The following GLT1D1 variants were observed in gnomAD, a reference collection of about 807,000 sequenced individuals.
GLT1D1 encodes the protein glycosyltransferase 1 domain-containing protein 1.
Under a neutral mutation model 28.7 loss-of-function variants are expected in GLT1D1, and 21 were observed. The observed-to-expected ratio is 0.73, with a 90% confidence interval of 0.52 to 1.05. The LOEUF is 1.05. Among genes scored for constraint, GLT1D1 ranks in the 50% least tolerant of loss-of-function variants. The probability of loss-of-function intolerance (pLI) is 0.00; values close to 1 mark genes in which losing one functional copy is unlikely to be tolerated. For missense variants in GLT1D1, 343 were observed against 330.6 expected (o/e 1.04, Z -0.29); for synonymous variants, 147 against 124.8 (o/e 1.18, Z -1.19).
chr12:128,982,703 T>C (rs1243174022), intron 7 of GLT1D1, among the ~76,000 whole-genome samples: 1 of 151,980 alleles, frequency 6.6e-6, no homozygotes, highest in Non-Finnish European at 1.5e-5. Context: ...TGTGCATATG[T>C]GTGTGTGCAT....
At chr12:128,973,643 C>T (rs1159063111) in intron 7 of GLT1D1, among the ~76,000 whole-genome samples, 3 of 152,092 alleles carry the variant, frequency 2.0e-5, no homozygotes, top group Non-Finnish European at 4.4e-5. Context: ...CCCGGTCCCC[C>T]TCTTCCCTCC....
chr12:128,904,336 C>A (rs1404975640), intron 4 of GLT1D1, among the ~76,000 whole-genome samples: 1 of 151,570 alleles, frequency 6.6e-6, no homozygotes, highest in Non-Finnish European at 1.5e-5. Flanking sequence ...TATTGGCAGA[C>A]CACAGTCAGT....
chr12:128,910,154 A>G (rs1871359047), intron 4 of GLT1D1, among the ~76,000 whole-genome samples: 1 of 152,196 alleles, frequency 6.6e-6, no homozygotes, highest in African/African-American at 2.4e-5. Flanking sequence ...CGCTTTTCAA[A>G]TGATTAGAAA....
chr12:128,913,935 C>T (rs566135165), intron 4 of GLT1D1, among the ~76,000 whole-genome samples: 14 of 152,288 alleles, frequency 9.2e-5, no homozygotes, highest in Middle Eastern at 3.4e-3. Flanking sequence ...GTATGGAAAG[C>T]GCCTACATGC....
intron 4 of GLT1D1, among the ~76,000 whole-genome samples, chr12:128,935,351 G>A (rs1210774127): frequency 1.3e-5 from 2 of 152,074 alleles, no homozygotes; most frequent in Admixed American, 6.5e-5. Context: ...AGACCAGGCT[G>A]GCCAACATGG....
Position 128,982,947 on chromosome 12 carries a change from A to G in GLT1D1, c.658A>G (p.Lys220Glu). The G allele has an allele frequency of 6.2e-7, 1 of 1,614,126 alleles. No individual in the cohort carries two copies. ...TTTGCAGGAGTTTGTTCATCTGGCA[A>G]AGAGACTGGTTAGTGATCCTGCATT... Residue 220 changes from lysine to glutamate, a missense_variant, in exon 8 of 8, where the codon AAG (lysine) becomes GAG (glutamate). Lys to Glu is a moderately conservative substitution (Grantham distance 56, BLOSUM62 1). Transcript: ENST00000281703.
chr12:128,952,173 GC>G (rs926553001), intron 6 of GLT1D1, among the ~76,000 whole-genome samples: 1 of 152,012 alleles, frequency 6.6e-6, no homozygotes, highest in African/African-American at 2.4e-5. Flanking sequence ...TGGGAGATGG[GC>G]AGGAAGCAGG....
At chr12:128,902,198 G>A (rs1424312381) in intron 4 of GLT1D1, among the ~76,000 whole-genome samples, 3 of 151,380 alleles carry the variant, frequency 2.0e-5, no homozygotes, top group East Asian at 3.9e-4. Context: ...AGTATGAAAA[G>A]TTCGGCCAGG....
chr12:128,976,279 G>A (rs1488039393), intron 7 of GLT1D1, among the ~76,000 whole-genome samples: 1 of 152,170 alleles, frequency 6.6e-6, no homozygotes, highest in Non-Finnish European at 1.5e-5. Flanking sequence ...GTTGGACACT[G>A]TTAGAAAACG....
intron 4 of GLT1D1, 112 bp from the exon 8 acceptor site, chr12:128,926,993 A>G: frequency 1.6e-6 from 1 of 643,746 alleles, no homozygotes; most frequent in Non-Finnish European, 2.7e-6. Context: ...TGAAAGCCAA[A>G]TGATATGAAA....
At chr12:128,977,622 C>T (rs771342725) in intron 7 of GLT1D1, among the ~76,000 whole-genome samples, 1 of 152,120 alleles carries the variant, frequency 6.6e-6, no homozygotes, top group Middle Eastern at 3.2e-3. Context: ...ACCTGCTGGG[C>T]CCCGGAAGGC....
rs191003374 is a variant in GLT1D1, at chr12:128,911,298, C to T, written c.375+12011C>T. 1.1e-4 allele frequency among the ~76,000 whole-genome samples: 17 copies of T among 152,350 alleles called. No individual in the cohort carries two copies. The East Asian group carries it at 3.1e-3, about 28-fold the overall frequency. ...CCCAGGCTTGGGGAGGGCCAGTCTC[C>T]TTCTTCCTGTTGATTGTCTCGCCCT... On this transcript the variant is annotated intron_variant, in intron 4 of 7. Transcript: ENST00000281703.
chr12:128,867,419 GAA>G (rs1318656397), intron 1 of GLT1D1, among the ~76,000 whole-genome samples: 3 of 111,832 alleles, frequency 2.7e-5, no homozygotes, highest in African/African-American at 6.6e-5. Flanking sequence ...AAAAAAAACA[GAA>G]AAAAAAAAAA....
At chr12:128,934,150 C>T (rs1323362858) in intron 4 of GLT1D1, among the ~76,000 whole-genome samples, 1 of 151,056 alleles carries the variant, frequency 6.6e-6, no homozygotes, top group African/African-American at 2.4e-5. Flanking sequence ...CGTTCAGTGC[C>T]TCTTAGTACA....
At chr12:128,879,120 G>A (rs552588430) in intron 2 of GLT1D1, among the ~76,000 whole-genome samples, 1 of 152,306 alleles carries the variant, frequency 6.6e-6, no homozygotes, top group African/African-American at 2.4e-5. Context: ...TGATTCTGTT[G>A]ACAGTGAGTT....
At chr12:128,878,599 CTT>C (rs1266097031) in intron 2 of GLT1D1, among the ~76,000 whole-genome samples, 2 of 151,920 alleles carry the variant, frequency 1.3e-5, no homozygotes, top group Non-Finnish European at 2.9e-5. Flanking sequence ...AAGTATATGA[CTT>C]TGAATTTTTT....
At chr12:128,925,509 A>G (rs1184560216) in intron 4 of GLT1D1, among the ~76,000 whole-genome samples, 4 of 152,208 alleles carry the variant, frequency 2.6e-5, no homozygotes, top group African/African-American at 9.7e-5. Flanking sequence ...TGCAAAGGAC[A>G]TGATCTCGTT....
chr12:128,978,578 G>T (rs1489963379), intron 7 of GLT1D1, among the ~76,000 whole-genome samples: 1 of 152,164 alleles, frequency 6.6e-6, no homozygotes, highest in East Asian at 1.9e-4. Flanking sequence ...AGAAGACACT[G>T]ACTGCTGATC....
At chr12:128,860,798 G>A (rs1374596439) in intron 1 of GLT1D1, among the ~76,000 whole-genome samples, 1 of 152,142 alleles carries the variant, frequency 6.6e-6, no homozygotes, top group East Asian at 1.9e-4. Context: ...TGGTGGTGAG[G>A]TTGGAAGGAA....
Sources: gnomAD v4.1 joint callset for allele counts (sites outside exome capture counted in the v4.1 genomes callset) on GRCh38, gnomAD v4.1.1 for gene constraint, MANE v1.5 for transcripts, NCBI Gene and HGNC (gene_info 2026-07-23, HGNC 2026-07-21) for gene names.